Variants in CDH23 observed in about 807,000 individuals in gnomAD.
The protein encoded by CDH23 is cadherin related 23, also known as cadherin-23.
Under a neutral mutation model 317.1 loss-of-function variants are expected in CDH23, and 189 were observed. The observed-to-expected ratio is 0.60, with a 90% CI of 0.53 to 0.67. The LOEUF is 0.67. CDH23 is among the 30% of genes least tolerant of loss of function. The probability of loss-of-function intolerance (pLI) is 0.00; values close to 1 mark genes in which losing one functional copy is unlikely to be tolerated. For missense variants in CDH23, 4,401 were observed against 4,592.4 expected, an observed-to-expected ratio of 0.96 and a Z score of 1.20; for synonymous variants, 1,839 against 1,876.8, an observed-to-expected ratio of 0.98 and a Z score of 0.52.
chr10:71,545,704 G>A (rs920351435), intron 6 of CDH23, among the ~76,000 whole-genome samples: 6 of 152,120 alleles, frequency 3.9e-5, no homozygotes, highest in Admixed American at 6.6e-5. Flanking sequence ...GACAACCAAC[G>A]CATACATCTA....
chr10:71,495,024 C>G (rs1016834490), intron 3 of CDH23, among the ~76,000 whole-genome samples: 1 of 152,058 alleles, frequency 6.6e-6, no homozygotes, highest in Non-Finnish European at 1.5e-5. Flanking sequence ...AGGGTGGGAA[C>G]CACCACGGAG....
chr10:71,754,315 TG>T (rs1173681826), intron 38 of CDH23, among the ~76,000 whole-genome samples: 1 of 124,000 alleles, frequency 8.1e-6, no homozygotes, highest in Non-Finnish European at 1.7e-5. Context: ...TGACCCACTA[TG>T]GGGCTTCACG....
At chr10:71,410,279 G>A (rs1848288812) in intron 1 of CDH23, among the ~76,000 whole-genome samples, 1 of 152,198 alleles carries the variant, frequency 6.6e-6, no homozygotes, top group Non-Finnish European at 1.5e-5. Flanking sequence ...CATTCTGGGA[G>A]CTCACAGTCT....
intron 69 of CDH23, among the ~76,000 whole-genome samples, chr10:71,814,157 CAATT>C (rs1842040915): frequency 6.6e-6 from 1 of 152,218 alleles, no homozygotes. Context: ...TGCCTGGACA[CAATT>C]AGAGGTGATC....
chr10:71,814,845 G>A lies in CDH23; in HGVS notation c.9739-107G>A, dbSNP rs1041616347. The A allele has an allele frequency of 3.1e-5, 40 of 1,302,108 alleles. 1 individual carries two copies. In the Middle Eastern group the frequency reaches 6.8e-4, roughly 22 times the overall value. 80.7% of individuals were successfully genotyped at this position (1,302,108 alleles called of 1,614,324 possible). The stretch of plus-strand genomic sequence containing the variant: ...AAACAGAGTCTGACAGGCCTGCTGC[G>A]GTAGGAGCCCAAGGTTCAGCCACAT... On this transcript the variant is annotated intron_variant, in intron 69 of 69. Transcript: ENST00000224721.
chr10:71,709,352 A>G (rs954156603), intron 27 of CDH23, 141 bp downstream of exon 27: 11 of 677,324 alleles, frequency 1.6e-5, no homozygotes, highest in Non-Finnish European at 2.8e-5. Context: ...CTCACCAAAC[A>G]TTACTCAGCA....
chr10:71,808,721 G>A (rs1841819290), intron 60 of CDH23, among the ~76,000 whole-genome samples: 1 of 152,008 alleles, frequency 6.6e-6, no homozygotes, highest in Non-Finnish European at 1.5e-5. Flanking sequence ...TGGCATTCAA[G>A]GCTCACTAGA....
intron 11 of CDH23, among the ~76,000 whole-genome samples, chr10:71,625,238 G>A (rs79562071): frequency 0.028 from 4,181 of 151,634 alleles, 225 homozygotes; most frequent in African/African-American, 0.096. Context: ...CCCACCGAGC[G>A]GAGGGGCCTG....
At chr10:71,759,898 C>CACAT (rs1840268556) in intron 38 of CDH23, among the ~76,000 whole-genome samples, 6 of 50,716 alleles carry the variant, frequency 1.2e-4, no homozygotes, top group Non-Finnish European at 2.5e-4. Context: ...TACACACACA[C>CACAT]ATATATACAC....
chr10:71,443,145 A>G (rs1328550065), intron 2 of CDH23, among the ~76,000 whole-genome samples: 1 of 152,126 alleles, frequency 6.6e-6, no homozygotes. Flanking sequence ...CTGCACCTTC[A>G]GCCCCCACCA....
intron 45 of CDH23, 24 bp from the exon 46 acceptor site, chr10:71,790,264 G>A: frequency 1.9e-6 from 3 of 1,612,964 alleles, no homozygotes; most frequent in Non-Finnish European, 2.5e-6. Flanking sequence ...TGGTCTTGTG[G>A]TGACCCCTCT....
chr10:71,745,286 G>T (rs1839827395), intron 38 of CDH23, among the ~76,000 whole-genome samples: 1 of 152,206 alleles, frequency 6.6e-6, no homozygotes, highest in Non-Finnish European at 1.5e-5. Context: ...GAGTCTTGTT[G>T]GTCAGTCTTG....
chr10:71,446,060 C>T (rs1385216107), intron 2 of CDH23, among the ~76,000 whole-genome samples: 2 of 152,210 alleles, frequency 1.3e-5, no homozygotes, highest in Non-Finnish European at 2.9e-5. Flanking sequence ...CATGTGCTTG[C>T]TCCATGTGGG....
intron 38 of CDH23, chr10:71,761,644 G>A (rs1409653923): frequency 6.2e-7 from 1 of 1,612,104 alleles, no homozygotes; most frequent in Non-Finnish European, 8.5e-7. Flanking sequence ...TGTGCTCCGA[G>A]TGGTGGTGCC....
chr10:71,547,743 T>A (rs541642525), intron 6 of CDH23, among the ~76,000 whole-genome samples: 1 of 152,300 alleles, frequency 6.6e-6, no homozygotes, highest in East Asian at 1.9e-4. Context: ...GCAGAGGGAA[T>A]GTATTGACAT....
chr10:71,541,257 G>A (rs911854669), intron 6 of CDH23, among the ~76,000 whole-genome samples: 1 of 152,176 alleles, frequency 6.6e-6, no homozygotes, highest in African/African-American at 2.4e-5. Context: ...ATAAATAGCT[G>A]TGCTGTCATT....
chr10:71,677,786 A>T, intron 16 of CDH23, 93 bp downstream of exon 16: 1 of 1,088,498 alleles, frequency 9.2e-7, no homozygotes, highest in Non-Finnish European at 1.3e-6. Flanking sequence ...TGTTTTTATG[A>T]GACAGGTCTC....
chr10:71,492,013 C>T (rs898954679), intron 3 of CDH23, among the ~76,000 whole-genome samples: 4 of 152,186 alleles, frequency 2.6e-5, no homozygotes, highest in African/African-American at 9.6e-5. Flanking sequence ...GTGCCGCACC[C>T]TGGAGAGAGG....
At chr10:71,623,894 C>T (rs1729000712) in intron 11 of CDH23, among the ~76,000 whole-genome samples, 1 of 152,178 alleles carries the variant, frequency 6.6e-6, no homozygotes, top group Non-Finnish European at 1.5e-5. Flanking sequence ...CCCCAACTGC[C>T]CTGAGAAGGT....
Sources: allele counts gnomAD v4.1 joint callset (sites outside exome capture counted in the v4.1 genomes callset), GRCh38; gene constraint gnomAD v4.1.1; transcripts MANE v1.5; gene names NCBI Gene and HGNC (gene_info 2026-07-23, HGNC 2026-07-21).